Variants in SH3GL2 observed in about 807,000 individuals in gnomAD.
SH3GL2 encodes SH3 domain containing GRB2 like 2, endophilin A1.
SH3GL2 carries 24 observed loss-of-function variants against 46.0 expected under a neutral mutation model. That is an observed-to-expected ratio of 0.52 (90% CI 0.38 to 0.73). The LOEUF (loss-of-function observed/expected upper bound fraction) is 0.73. Ranked by LOEUF, SH3GL2 falls within the 30% of genes least tolerant of loss-of-function variation. SH3GL2 has a pLI of 0.00. For synonymous variants in SH3GL2, 196 were observed against 147.1 expected, an observed-to-expected ratio of 1.33 and a Z score of -2.40; for missense variants, 413 against 424.2, an observed-to-expected ratio of 0.97 and a Z score of 0.23.
intron 1 of SH3GL2, among the ~76,000 whole-genome samples, chr9:17,643,508 G>T (rs1819734779): frequency 6.6e-6 from 1 of 152,118 alleles, no homozygotes; most frequent in South Asian, 2.1e-4. Flanking sequence ...TTGGCTGTGG[G>T]TTTGTCATAA....
intron 3 of SH3GL2, among the ~76,000 whole-genome samples, chr9:17,768,185 C>T (rs1259782384): frequency 6.6e-6 from 1 of 151,808 alleles, no homozygotes; most frequent in Non-Finnish European, 1.5e-5. Flanking sequence ...TCCTGGCTAA[C>T]ACAGTGAAAC....
chr9:17,675,868 C>A (rs1376163835), intron 1 of SH3GL2, among the ~76,000 whole-genome samples: 1 of 152,140 alleles, frequency 6.6e-6, no homozygotes, highest in Admixed American at 6.5e-5. Flanking sequence ...TCACGTGAAC[C>A]CGGGAGGTGG....
intron 2 of SH3GL2, among the ~76,000 whole-genome samples, chr9:17,747,706 G>C (rs776392049): frequency 3.3e-5 from 5 of 151,878 alleles, no homozygotes; most frequent in Non-Finnish European, 5.9e-5. Context: ...ATGGAGTCTT[G>C]CTCTGTTGCC....
At chr9:17,710,439 C>T (rs1393229896) in intron 1 of SH3GL2, among the ~76,000 whole-genome samples, 2 of 151,854 alleles carry the variant, frequency 1.3e-5, no homozygotes, top group African/African-American at 4.8e-5. Context: ...GTCAGGTATT[C>T]CTTCTAGAAA....
chr9:17,726,521 C>A (rs1210856116), intron 1 of SH3GL2, among the ~76,000 whole-genome samples: 2 of 151,948 alleles, frequency 1.3e-5, no homozygotes, highest in African/African-American at 4.8e-5. Flanking sequence ...CTCTGCTGAC[C>A]CAGCATAATC....
At chr9:17,663,522 G>A (rs1256310788) in intron 1 of SH3GL2, among the ~76,000 whole-genome samples, 3 of 152,104 alleles carry the variant, frequency 2.0e-5, no homozygotes, top group Non-Finnish European at 4.4e-5. Context: ...CAAAGAACTG[G>A]GAATTTATTA....
intron 1 of SH3GL2, among the ~76,000 whole-genome samples, chr9:17,738,733 G>C (rs933899525): frequency 6.6e-6 from 1 of 151,076 alleles, no homozygotes; most frequent in Non-Finnish European, 1.5e-5. Flanking sequence ...GAACTTTGCA[G>C]GTCAGGTCAG....
At chr9:17,721,066 C>T (rs73645153) in intron 1 of SH3GL2, among the ~76,000 whole-genome samples, 7,852 of 152,012 alleles carry the variant, frequency 0.052, 654 homozygotes, top group African/African-American at 0.18. Flanking sequence ...TCTGAACTCT[C>T]GCACTCTCCT....
At chr9:17,655,804 G>A (rs1000242792) in intron 1 of SH3GL2, among the ~76,000 whole-genome samples, 10 of 152,134 alleles carry the variant, frequency 6.6e-5, no homozygotes, top group African/African-American at 2.4e-4. Flanking sequence ...TGCTCTCTGA[G>A]GGTTACCCTA....
intron 1 of SH3GL2, among the ~76,000 whole-genome samples, chr9:17,718,638 G>A (rs541931137): frequency 7.2e-5 from 11 of 152,236 alleles, no homozygotes; most frequent in African/African-American, 2.6e-4. Flanking sequence ...TGAGATGGAA[G>A]GATCACCTGA....
chr9:17,687,359 A>T (rs911310574), intron 1 of SH3GL2, among the ~76,000 whole-genome samples: 12 of 152,264 alleles, frequency 7.9e-5, no homozygotes, highest in Admixed American at 2.0e-4. Context: ...GGATTTTGTG[A>T]GAACAGGAGA....
chr9:17,693,898 A>G (rs927605483), intron 1 of SH3GL2, among the ~76,000 whole-genome samples: 7 of 152,172 alleles, frequency 4.6e-5, no homozygotes, highest in Middle Eastern at 3.2e-3. Flanking sequence ...TTTAATTTCT[A>G]TTGATAAAAG....
intron 1 of SH3GL2, among the ~76,000 whole-genome samples, chr9:17,714,261 G>T (rs1821697633): frequency 6.6e-6 from 1 of 151,520 alleles, no homozygotes; most frequent in South Asian, 2.1e-4. Context: ...TAAAGTGTTT[G>T]TAGGTTTGTA....
intron 3 of SH3GL2, among the ~76,000 whole-genome samples, chr9:17,783,097 G>T (rs1411849956): frequency 6.6e-6 from 1 of 152,122 alleles, no homozygotes; most frequent in Admixed American, 6.6e-5. Flanking sequence ...CCAGTATCCA[G>T]TGCCTGTTGT....
chr9:17,786,219 G>T (rs1269448604), intron 3 of SH3GL2, among the ~76,000 whole-genome samples, 162 bp from the exon 4 acceptor site: 1 of 152,176 alleles, frequency 6.6e-6, no homozygotes, highest in Non-Finnish European at 1.5e-5. Flanking sequence ...AAAAGTGGTT[G>T]ATAAGACTGA....
chr9:17,747,416 G>A (rs955089853), intron 2 of SH3GL2, among the ~76,000 whole-genome samples: 3 of 152,190 alleles, frequency 2.0e-5, no homozygotes, highest in South Asian at 4.1e-4. Context: ...TAAGGACAGT[G>A]TTGAGCTGAT....
chr9:17,685,660 A>C (rs529610557), intron 1 of SH3GL2, among the ~76,000 whole-genome samples: 7 of 152,056 alleles, frequency 4.6e-5, no homozygotes, highest in African/African-American at 1.7e-4. Context: ...TCAGCTTTCT[A>C]CATATGGCTA....
intron 1 of SH3GL2, among the ~76,000 whole-genome samples, chr9:17,711,151 C>T (rs1821610490): frequency 1.3e-5 from 2 of 151,780 alleles, no homozygotes; most frequent in African/African-American, 4.8e-5. Context: ...TCAAAGGATG[C>T]CTGACACAGT....
chr9:17,579,310 C>CCCGGGGCAGT, intron 1 of SH3GL2, 23 bp downstream of exon 1: 1 of 1,537,182 alleles, frequency 6.5e-7, no homozygotes, highest in Admixed American at 1.9e-5. Context: ...GCAGGTGCGT[C>CCCGGGGCAGT]CCGGGGCAGT....
Sources: allele counts gnomAD v4.1 joint callset (sites outside exome capture counted in the v4.1 genomes callset), GRCh38; gene constraint gnomAD v4.1.1; transcripts MANE v1.5; gene names NCBI Gene and HGNC (gene_info 2026-07-23, HGNC 2026-07-21).